Variants in DCDC2 observed in about 807,000 individuals in gnomAD.
The protein encoded by DCDC2 is doublecortin domain-containing protein 2.
In DCDC2, 40 loss-of-function variants were observed where a neutral mutation model predicts 50.2. That is an observed-to-expected ratio of 0.80 (90% CI 0.62 to 1.04). DCDC2 has a LOEUF of 1.04. DCDC2 is among the 50% of genes least tolerant of loss of function. The probability of loss-of-function intolerance (pLI) is 0.00; values close to 1 mark genes in which losing one functional copy is unlikely to be tolerated. For synonymous variants in DCDC2, 234 were observed against 210.6 expected (o/e 1.11, Z -0.96); for missense variants, 570 against 581.9 (o/e 0.98, Z 0.21).
intron 6 of DCDC2, among the ~76,000 whole-genome samples, chr6:24,285,858 T>TTTA (rs1763595096): frequency 2.6e-5 from 4 of 152,188 alleles, no homozygotes; most frequent in Admixed American, 2.0e-4. Context: ...TTGGGATCAA[T>TTTA]TTATTGATCA....
intron 2 of DCDC2, among the ~76,000 whole-genome samples, chr6:24,345,951 G>C (rs945019020): frequency 1.3e-5 from 2 of 152,100 alleles, no homozygotes; most frequent in African/African-American, 4.8e-5. Flanking sequence ...AGGCCGAGCA[G>C]GTGGATCTCT....
chr6:24,306,529 G>GAT (rs1561768218), intron 2 of DCDC2, among the ~76,000 whole-genome samples: 1 of 142,632 alleles, frequency 7.0e-6, no homozygotes, highest in Non-Finnish European at 1.5e-5. Context: ...TAGATAGATA[G>GAT]ATAGATAGAT....
chr6:24,197,399 G>C (rs997167199), intron 8 of DCDC2, among the ~76,000 whole-genome samples: 1 of 152,142 alleles, frequency 6.6e-6, no homozygotes, highest in Non-Finnish European at 1.5e-5. Flanking sequence ...CTTAATATTT[G>C]ACATTTTGAC....
At chr6:24,251,161 G>A (rs1249347297) in intron 7 of DCDC2, among the ~76,000 whole-genome samples, 3 of 152,274 alleles carry the variant, frequency 2.0e-5, no homozygotes, top group Non-Finnish European at 2.9e-5. Context: ...AATAGCACTG[G>A]CTAATTGGAG....
At chr6:24,361,629 A>G (rs956049227), upstream of DCDC2, among the ~76,000 whole-genome samples, 15 of 152,312 alleles carry the variant, frequency 9.8e-5, no homozygotes, top group African/African-American at 3.4e-4. Context: ...GAAGGCAATC[A>G]ATTAAGTAGC....
In DCDC2 at chr6:24,273,009, T is replaced by TACAC. The variant is rs60162257; in HGVS notation, c.922+5036_922+5039dup. Reference sequence around the variant, plus strand: ...AAAAGAAAATGTGTGTATAAAGACATACACACACACACACACACACACACT... The same window carrying TACAC: ...AAAAGAAAATGTGTGTATAAAGACATACACACACACACACACACACACACACACT... On this transcript the variant is annotated intron_variant, in intron 7 of 9. Coordinates refer to ENST00000378454, the MANE Select transcript of DCDC2 (RefSeq NM_016356.5). Among the ~76,000 whole-genome samples the TACAC allele has an allele frequency of 9.6e-4, 143 of 149,458 alleles. 3 individuals carry two copies. The highest frequency in any genetic ancestry group is 6.3e-3 in the Admixed American group (94 of 15,002).
chr6:24,309,063 A>T (rs1380384486), intron 2 of DCDC2, among the ~76,000 whole-genome samples: 1 of 152,204 alleles, frequency 6.6e-6, no homozygotes, highest in Non-Finnish European at 1.5e-5. Flanking sequence ...AAATTAATCC[A>T]CGCCTGTAAT....
intron 2 of DCDC2, among the ~76,000 whole-genome samples, chr6:24,344,290 T>C (rs1279720870): frequency 6.6e-6 from 1 of 152,166 alleles, no homozygotes; most frequent in Admixed American, 6.5e-5. Flanking sequence ...GTGAAATAAG[T>C]CAGGCAGAGA....
chr6:24,371,964 AAAC>A, the DCDC2 span, among the ~76,000 whole-genome samples: 10 of 152,178 alleles, frequency 6.6e-5, no homozygotes, highest in East Asian at 1.7e-3. Flanking sequence ...ATTAAAAAGG[AAAC>A]AACAGGTGCT....
intron 7 of DCDC2, among the ~76,000 whole-genome samples, chr6:24,245,333 G>A (rs1762647255): frequency 6.6e-6 from 1 of 152,198 alleles, no homozygotes; most frequent in Admixed American, 6.5e-5. Context: ...CCAGATCCCA[G>A]CATAAAACCG....
the DCDC2 span, among the ~76,000 whole-genome samples, chr6:24,378,956 GAAA>G: frequency 1.5e-5 from 1 of 67,426 alleles, no homozygotes; most frequent in Non-Finnish European, 2.8e-5. Flanking sequence ...GTCTCATTTG[GAAA>G]AAAAAAAAAA....
intron 2 of DCDC2, among the ~76,000 whole-genome samples, chr6:24,341,541 CATCT>C (rs1340760123): frequency 6.6e-6 from 1 of 151,804 alleles, no homozygotes; most frequent in East Asian, 1.9e-4. Flanking sequence ...TGCCTCCATC[CATCT>C]GTTTTGAACT....
intron 2 of DCDC2, among the ~76,000 whole-genome samples, chr6:24,305,897 T>TAAAG (rs1178256051): frequency 6.6e-6 from 1 of 151,878 alleles, no homozygotes; most frequent in African/African-American, 2.4e-5. Context: ...GGCGTGGTGG[T>TAAAG]ATGCACCTGT....
intron 7 of DCDC2, among the ~76,000 whole-genome samples, chr6:24,229,730 G>A (rs996096696): frequency 6.6e-6 from 1 of 152,138 alleles, no homozygotes; most frequent in Admixed American, 6.5e-5. Context: ...TCTTCACTGA[G>A]CCCATAAATG....
chr6:24,233,897 A>G (rs370080551), intron 7 of DCDC2, among the ~76,000 whole-genome samples: 171 of 152,332 alleles, frequency 1.1e-3, no homozygotes, highest in Middle Eastern at 0.01. Flanking sequence ...AGTTCATTCA[A>G]TGATTATTTT....
chr6:24,331,114 G>A (rs1421375934), intron 2 of DCDC2, among the ~76,000 whole-genome samples: 2 of 151,856 alleles, frequency 1.3e-5, no homozygotes, highest in South Asian at 2.1e-4. Context: ...ATGAAATATC[G>A]CCCCTTCTAT....
chr6:24,315,979 G>A (rs793763), intron 2 of DCDC2, among the ~76,000 whole-genome samples: 1,596 of 152,324 alleles, frequency 0.01, 23 homozygotes, highest in African/African-American at 0.035. Context: ...ATACATGTTT[G>A]CAGTAGAAGC....
At chr6:24,286,641 C>T (rs1230223420) in intron 6 of DCDC2, among the ~76,000 whole-genome samples, 1 of 151,880 alleles carries the variant, frequency 6.6e-6, no homozygotes, top group African/African-American at 2.4e-5. Flanking sequence ...TCCTGATGTC[C>T]TTGGCAGGCC....
At chr6:24,243,816 C>A (rs2113793522) in intron 7 of DCDC2, among the ~76,000 whole-genome samples, 1 of 152,202 alleles carries the variant, frequency 6.6e-6, no homozygotes, top group East Asian at 1.9e-4. Context: ...CAACCCCAAA[C>A]CACAGGAATG....
Sources: gnomAD v4.1 joint callset for allele counts (sites outside exome capture counted in the v4.1 genomes callset) on GRCh38, gnomAD v4.1.1 for gene constraint, MANE v1.5 for transcripts, NCBI Gene and HGNC (gene_info 2026-07-23, HGNC 2026-07-21) for gene names.